MEF2C: variants seen among roughly 807,000 people sequenced by gnomAD.
MEF2C encodes myocyte enhancer factor 2C, also known as myocyte-specific enhancer factor 2C.
MEF2C carries 6 observed loss-of-function variants against 50.5 expected under a neutral mutation model. The ratio of observed to expected loss-of-function variants is 0.12; its 90% confidence interval spans 0.07 to 0.23. The LOEUF is 0.23. MEF2C is among the 10% of genes least tolerant of loss of function. The pLI is 1.00. For synonymous variants in MEF2C, 183 were observed against 228.0 expected (o/e 0.80, Z 1.78); for missense variants, 276 against 605.0 (o/e 0.46, Z 5.70).
rs1486888541 is a variant in MEF2C, at chr5:88,760,873, G to A, written c.402+312C>T. On this transcript the variant is annotated intron_variant, in intron 4 of 10. Transcript: ENST00000504921. ...AAATGAGCTGCCCGTGGGATGAGATGGCTATTTATCTGTTTGACTTTCCGA... is the reference window on the plus strand; with the variant it reads ...AAATGAGCTGCCCGTGGGATGAGATAGCTATTTATCTGTTTGACTTTCCGA... The A allele has an allele frequency of 3.5e-6, 4 of 1,138,230 alleles. No individual in the cohort carries two copies. In the African/African-American group the frequency reaches 4.7e-5, roughly 13 times the overall value. 70.5% of individuals were successfully genotyped at this position (1,138,230 alleles called of 1,614,324 possible).
intron 4 of MEF2C, among the ~76,000 whole-genome samples, chr5:88,759,004 G>A (rs931293010): frequency 2.0e-5 from 3 of 152,150 alleles, no homozygotes; most frequent in African/African-American, 4.8e-5. Flanking sequence ...CTATATGATC[G>A]CTTCCATTGA....
At chr5:88,777,340 C>T (rs1785254083) in intron 3 of MEF2C, among the ~76,000 whole-genome samples, 1 of 152,130 alleles carries the variant, frequency 6.6e-6, no homozygotes, top group African/African-American at 2.4e-5. Flanking sequence ...AGGGACTGAG[C>T]CCGTGGCTTT....
At chr5:88,841,377 C>T (rs1436326322) in intron 1 of MEF2C, among the ~76,000 whole-genome samples, 5 of 151,878 alleles carry the variant, frequency 3.3e-5, no homozygotes, top group Non-Finnish European at 7.4e-5. Flanking sequence ...TGTGGTGGCG[C>T]ATGCCTGGAG....
At chr5:88,778,535 T>C (rs892133763) in intron 3 of MEF2C, among the ~76,000 whole-genome samples, 13 of 152,078 alleles carry the variant, frequency 8.5e-5, no homozygotes, top group African/African-American at 3.1e-4. Context: ...ATGTATGCTT[T>C]TATGGAGAAA....
intron 7 of MEF2C, 72 bp downstream of exon 7, chr5:88,731,657 A>T: frequency 1.5e-6 from 2 of 1,336,464 alleles, no homozygotes; most frequent in Non-Finnish European, 2.1e-6. Context: ...TCATCAAGTT[A>T]GACAAATATA....
chr5:88,855,564 G>T (rs554810074), intron 1 of MEF2C, among the ~76,000 whole-genome samples: 135 of 152,262 alleles, frequency 8.9e-4, no homozygotes, highest in Non-Finnish European at 1.7e-3. Context: ...ATCTTGAATT[G>T]TTCCCATAAT....
chr5:88,816,302 C>T (rs1261642837), intron 2 of MEF2C, among the ~76,000 whole-genome samples: 4 of 151,864 alleles, frequency 2.6e-5, no homozygotes, highest in African/African-American at 9.7e-5. Flanking sequence ...TATCATGCAC[C>T]GAACAGGATA....
At chr5:88,740,557 T>G (rs1241271598) in intron 6 of MEF2C, 1 of 984,910 alleles carries the variant, frequency 1.0e-6, no homozygotes, top group Non-Finnish European at 1.2e-6. Context: ...GAAGAGGCTT[T>G]GATTTGAATC....
intron 1 of MEF2C, among the ~76,000 whole-genome samples, chr5:88,833,512 C>T (rs561417070): frequency 1.3e-5 from 2 of 152,044 alleles, no homozygotes; most frequent in Non-Finnish European, 2.9e-5. Context: ...ACTGTAGTGA[C>T]GTGCGGATGT....
chr5:88,757,349 C>CTT (rs551963515), intron 4 of MEF2C, among the ~76,000 whole-genome samples: 1 of 152,030 alleles, frequency 6.6e-6, no homozygotes, highest in Admixed American at 6.6e-5. Context: ...TCCCCCCACC[C>CTT]TTTTTTTGCC....
intron 4 of MEF2C, 52 bp from the exon 5 acceptor site, chr5:88,752,095 A>T: frequency 6.7e-7 from 1 of 1,495,170 alleles, no homozygotes; most frequent in East Asian, 2.3e-5. Flanking sequence ...TAATAACAGA[A>T]GCTCTTCAAG....
intron 6 of MEF2C, chr5:88,743,638 CA>C: frequency 1.0e-6 from 1 of 985,044 alleles, no homozygotes; most frequent in Non-Finnish European, 1.2e-6. Flanking sequence ...GTACTAAGTT[CA>C]AAGGTGCTGA....
At chr5:88,900,640 T>C (rs1835559834) in intron 1 of MEF2C, among the ~76,000 whole-genome samples, 1 of 152,020 alleles carries the variant, frequency 6.6e-6, no homozygotes, top group South Asian at 2.1e-4. Context: ...TATGCTGTGA[T>C]AAAAATGTGT....
intron 4 of MEF2C, among the ~76,000 whole-genome samples, chr5:88,755,976 G>C (rs1220057906): frequency 6.6e-6 from 1 of 152,078 alleles, no homozygotes; most frequent in Non-Finnish European, 1.5e-5. Context: ...CTAGAATTCT[G>C]GATCAGAAAC....
intron 1 of MEF2C, among the ~76,000 whole-genome samples, chr5:88,855,720 T>C (rs952690164): frequency 6.6e-6 from 1 of 152,232 alleles, no homozygotes; most frequent in African/African-American, 2.4e-5. Flanking sequence ...ACTCATTCTC[T>C]TTCCTGCTGC....
intron 6 of MEF2C, chr5:88,736,613 A>T: frequency 1.0e-6 from 1 of 983,130 alleles, no homozygotes; most frequent in Non-Finnish European, 1.2e-6. Context: ...AGGCCTTCAG[A>T]GGAGTTCCTT....
chr5:88,884,037 A>G (rs1833712923), upstream of MEF2C, among the ~76,000 whole-genome samples: 1 of 152,192 alleles, frequency 6.6e-6, no homozygotes, highest in Non-Finnish European at 1.5e-5. Flanking sequence ...CCTAATGACA[A>G]TTCTTTATTG....
chr5:88,738,096 T>A (rs993855299), intron 6 of MEF2C: 2 of 985,162 alleles, frequency 2.0e-6, no homozygotes, highest in East Asian at 1.1e-4. Context: ...AAAAAAAAGA[T>A]AAGGCAGAGT....
In MEF2C at chr5:88,746,529, T is replaced by C. The variant is rs1002034465; in HGVS notation, c.637+2541A>G. 5 of 985,220 alleles carry C rather than the reference T, an allele frequency of 5.1e-6. No individual in the cohort carries two copies. In the African/African-American group the frequency reaches 7.0e-5, roughly 14 times the overall value. The allele number at this position is 985,220 out of a possible 1,614,324, so 61.0% of individuals were successfully genotyped here. A position where few individuals can be genotyped will look rare whatever the true frequency, so the allele number is the denominator to read the frequency against. ...AGTAACGTAATTGCAGTCTCGCCACTTGGCCTCAAGAGTTTCAAACTTTAT... is the reference window on the plus strand; with the variant it reads ...AGTAACGTAATTGCAGTCTCGCCACCTGGCCTCAAGAGTTTCAAACTTTAT... On this transcript the variant is annotated intron_variant, in intron 6 of 10. Transcript: ENST00000504921.
Sources: allele counts gnomAD v4.1 joint callset (sites outside exome capture counted in the v4.1 genomes callset), GRCh38; gene constraint gnomAD v4.1.1; transcripts MANE v1.5; gene names NCBI Gene and HGNC (gene_info 2026-07-23, HGNC 2026-07-21).